Variants in RBFOX1 observed in about 807,000 individuals in gnomAD.
The protein encoded by RBFOX1 is RNA binding protein fox-1 homolog 1.
In RBFOX1, 8 loss-of-function variants were observed where a neutral mutation model predicts 57.7. That is an observed-to-expected ratio of 0.14 (90% CI 0.08 to 0.25). The LOEUF (loss-of-function observed/expected upper bound fraction) is 0.25, where lower values mean the gene tolerates loss of function less well. RBFOX1 is among the 10% of genes least tolerant of loss of function. RBFOX1 has a pLI of 1.00. For missense variants in RBFOX1, 611 were observed against 548.5 expected (o/e 1.11, Z -1.14); for synonymous variants, 326 against 222.4 (o/e 1.47, Z -4.15).
intron 2 of RBFOX1, among the ~76,000 whole-genome samples, chr16:5,557,538 G>C (rs1402926318): frequency 1.3e-5 from 2 of 152,106 alleles, no homozygotes; most frequent in Non-Finnish European, 2.9e-5. Flanking sequence ...TGGGGAGCAG[G>C]GATCACTCCA....
At chr16:5,883,881 A>G (rs2057829792) in intron 4 of RBFOX1, among the ~76,000 whole-genome samples, 1 of 152,172 alleles carries the variant, frequency 6.6e-6, no homozygotes, top group African/African-American at 2.4e-5. Context: ...GAAGGTAGGA[A>G]CCCTGATATT....
At chr16:7,046,925 G>A (rs1327832435) in intron 3 of RBFOX1, among the ~76,000 whole-genome samples, 6 of 151,514 alleles carry the variant, frequency 4.0e-5, no homozygotes, top group East Asian at 1.9e-4. Context: ...TTTAACTTCC[G>A]TATTGTATAT....
chr16:7,322,821 C>T (rs1451219934), intron 4 of RBFOX1, among the ~76,000 whole-genome samples: 1 of 152,168 alleles, frequency 6.6e-6, no homozygotes, highest in Non-Finnish European at 1.5e-5. Context: ...ATCTCTTTAT[C>T]TGTCCTCCTC....
chr16:7,062,241 C>T (rs1400942106), intron 4 of RBFOX1, among the ~76,000 whole-genome samples: 3 of 143,048 alleles, frequency 2.1e-5, no homozygotes, highest in Non-Finnish European at 4.5e-5. Context: ...ATGCCGTGAA[C>T]CGAGATCATG....
rs117047383 is a variant in RBFOX1, at chr16:5,777,767, A to G, written c.319-89536A>G. Among the ~76,000 whole-genome samples the G allele has an allele frequency of 1.4e-3, 207 of 152,302 alleles. 4 individuals are homozygous for G. In the East Asian group the frequency reaches 0.025, roughly 18 times the overall value. ...GTTAAAGGCTACTTCTTTAACTTAC[A>G]TTTCATTATTATTTGGCACAGGAGT... is the stretch of plus-strand genomic sequence containing the variant. On this transcript the variant is annotated intron_variant, in intron 3 of 19. Transcript: ENST00000641259.
At chr16:6,233,097 C>T (rs1258633443) in intron 1 of RBFOX1, among the ~76,000 whole-genome samples, 4 of 152,130 alleles carry the variant, frequency 2.6e-5, no homozygotes, top group Non-Finnish European at 5.9e-5. Flanking sequence ...GCAGGGCCAG[C>T]TGCTGGGTGA....
At chr16:5,763,613 G>A (rs934614027) in intron 3 of RBFOX1, among the ~76,000 whole-genome samples, 2 of 152,212 alleles carry the variant, frequency 1.3e-5, no homozygotes, top group African/African-American at 2.4e-5. Flanking sequence ...AAGGCAATCC[G>A]CCGGCCTCCT....
At position 6,909,501 on chromosome 16, in the gene RBFOX1, C is replaced by G. The variant is rs542207420; in HGVS notation, c.-15-142556C>G. Among the ~76,000 whole-genome samples, 9 of 152,340 alleles carry G rather than the reference C, an allele frequency of 5.9e-5. No homozygotes were observed. The South Asian group carries it at 1.7e-3, about 28-fold the overall frequency. ...TCTTTGGCATGAGACAAGATTCTGTCTATCACACTCTCTAAAGGCGTTCCA... is the reference window on the plus strand; with the variant it reads ...TCTTTGGCATGAGACAAGATTCTGTGTATCACACTCTCTAAAGGCGTTCCA... On this transcript the variant is annotated intron_variant, in intron 3 of 15. Transcript: ENST00000550418.
At chr16:6,710,759 A>G (rs2063573211) in intron 3 of RBFOX1, among the ~76,000 whole-genome samples, 1 of 152,240 alleles carries the variant, frequency 6.6e-6, no homozygotes, top group South Asian at 2.1e-4. Context: ...GCCCTTGGCA[A>G]CCCCAAGCCT....
chr16:6,847,305 C>T (rs149192333), intron 3 of RBFOX1, among the ~76,000 whole-genome samples: 384 of 152,286 alleles, frequency 2.5e-3, no homozygotes, highest in African/African-American at 8.7e-3. Context: ...ATTTGGACAG[C>T]TCTGCTTCAT....
intron 3 of RBFOX1, among the ~76,000 whole-genome samples, chr16:6,866,021 A>T (rs942035818): frequency 2.0e-5 from 3 of 152,340 alleles, no homozygotes; most frequent in East Asian, 1.9e-4. Flanking sequence ...ATTGGCTAGC[A>T]CATCTTTGAA....
At chr16:6,669,185 A>T (rs916454630) in intron 3 of RBFOX1, among the ~76,000 whole-genome samples, 6 of 152,190 alleles carry the variant, frequency 3.9e-5, no homozygotes, top group African/African-American at 1.4e-4. Flanking sequence ...CTCAGCAAGT[A>T]GGTTGCTGGA....
At chr16:5,294,406 C>A (rs765651830) in intron 1 of RBFOX1, among the ~76,000 whole-genome samples, 1 of 152,156 alleles carries the variant, frequency 6.6e-6, no homozygotes, top group Non-Finnish European at 1.5e-5. Context: ...CTGGAATGAA[C>A]TTGTTCATGT....
intron 1 of RBFOX1, among the ~76,000 whole-genome samples, chr16:5,437,365 G>T (rs1470510883): frequency 1.3e-5 from 2 of 152,130 alleles, no homozygotes; most frequent in African/African-American, 2.4e-5. Flanking sequence ...AAACAATTTG[G>T]TATGATATAC....
chr16:5,464,677 G>A (rs78114103), intron 1 of RBFOX1, among the ~76,000 whole-genome samples: 148 of 152,350 alleles, frequency 9.7e-4, no homozygotes, highest in African/African-American at 3.4e-3. Context: ...CATGTCTCCA[G>A]CATTCAGCCC....
chr16:7,567,502 T>C (rs2092113099), intron 5 of RBFOX1, among the ~76,000 whole-genome samples: 6 of 63,556 alleles, frequency 9.4e-5, no homozygotes, highest in Admixed American at 3.6e-4. Flanking sequence ...TGTATATCCC[T>C]ATGTATGGCC....
intron 9 of RBFOX1, among the ~76,000 whole-genome samples, chr16:7,601,316 G>T: frequency 6.6e-6 from 1 of 152,156 alleles, no homozygotes; most frequent in East Asian, 1.9e-4. Flanking sequence ...TGATAATTAT[G>T]AGAGAAAGTG....
At chr16:7,264,872 G>C (rs531816876) in intron 4 of RBFOX1, among the ~76,000 whole-genome samples, 27 of 152,308 alleles carry the variant, frequency 1.8e-4, no homozygotes, top group African/African-American at 6.3e-4. Context: ...ATTGATACAT[G>C]ACTATTTGAG....
chr16:6,504,645 G>A (rs183035352), intron 2 of RBFOX1, among the ~76,000 whole-genome samples: 1 of 152,270 alleles, frequency 6.6e-6, no homozygotes, highest in Non-Finnish European at 1.5e-5. Flanking sequence ...TAGTAGGTAT[G>A]ACCTGTCCCA....
Sources: gnomAD v4.1 joint callset for allele counts (sites outside exome capture counted in the v4.1 genomes callset) on GRCh38, gnomAD v4.1.1 for gene constraint, MANE v1.5 for transcripts, NCBI Gene and HGNC (gene_info 2026-07-23, HGNC 2026-07-21) for gene names.